The following LDLRAD4 variants were observed in gnomAD, a reference collection of about 807,000 sequenced individuals.
LDLRAD4 encodes the protein low-density lipoprotein receptor class A domain-containing protein 4.
LDLRAD4 carries 5 observed loss-of-function variants against 17.0 expected under a neutral mutation model. The observed-to-expected ratio is 0.29, with a 90% confidence interval of 0.15 to 0.62. The LOEUF is 0.62. Among genes scored for constraint, LDLRAD4 ranks in the 20% least tolerant of loss-of-function variants. The pLI, the probability that LDLRAD4 is intolerant of heterozygous loss-of-function variation, is 0.84. For synonymous variants in LDLRAD4, 168 were observed against 171.8 expected (o/e 0.98, Z 0.17); for missense variants, 340 against 424.7 (o/e 0.80, Z 1.75).
intron 1 of LDLRAD4, among the ~76,000 whole-genome samples, chr18:13,338,110 T>C (rs943306964): frequency 6.6e-6 from 1 of 152,238 alleles, no homozygotes; most frequent in Non-Finnish European, 1.5e-5. Context: ...CTTACTGCTG[T>C]GACCCCGAAG....
chr18:13,642,067 C>G, intron 4 of LDLRAD4: 1 of 985,574 alleles, frequency 1.0e-6, no homozygotes, highest in South Asian at 4.7e-5. Context: ...AGGCCGGGCC[C>G]TTCCCTCCCG....
At chr18:13,538,621 T>G (rs1362082975) in intron 3 of LDLRAD4, among the ~76,000 whole-genome samples, 1 of 151,652 alleles carries the variant, frequency 6.6e-6, no homozygotes, top group Non-Finnish European at 1.5e-5. Flanking sequence ...GCCTCCTGGG[T>G]TCAAGCGATT....
intron 3 of LDLRAD4, among the ~76,000 whole-genome samples, chr18:13,566,347 A>G (rs1041402021): frequency 3.4e-5 from 5 of 148,852 alleles, no homozygotes; most frequent in Non-Finnish European, 7.4e-5. Flanking sequence ...TTATATTTTC[A>G]ATAAAGAGCA....
At chr18:13,609,081 T>C (rs1303483020) in intron 3 of LDLRAD4, among the ~76,000 whole-genome samples, 2 of 152,222 alleles carry the variant, frequency 1.3e-5, no homozygotes, top group Non-Finnish European at 2.9e-5. Flanking sequence ...AAAGATGCGA[T>C]GTAAAGATGA....
Position 13,440,861 on chromosome 18 carries a change from C to T in LDLRAD4, c.181+2477C>T, listed in dbSNP as rs1000404543. 2.0e-5 allele frequency among the ~76,000 whole-genome samples: 3 copies of T among 152,300 alleles called. No individual in the cohort carries two copies. Among genetic ancestry groups the T allele is most frequent in the East Asian group, 1.9e-4 (1 of 5,182 alleles). On this transcript the variant is annotated intron_variant, in intron 3 of 5. Transcript: ENST00000359446. The surrounding 1 kb of genome is among the most constrained non-coding windows in gnomAD (Gnocchi z 4.4). ...ATTGTGTACACGGAGCAGGAATTCA[C>T]GGGTGTCCACAAGTGCACTTGCCCA...
At chr18:13,623,449 A>G (rs963996977) in intron 4 of LDLRAD4, among the ~76,000 whole-genome samples, 6 of 152,254 alleles carry the variant, frequency 3.9e-5, no homozygotes, top group African/African-American at 1.4e-4. Flanking sequence ...ATCCGGCTGC[A>G]CCGAGCTATT....
In LDLRAD4 at chr18:13,621,196, C is replaced by A. The variant is rs765436791; in HGVS notation, c.261C>A (p.Asn87Lys). 17 of 1,614,058 alleles carry A rather than the reference C, an allele frequency of 1.1e-5. No homozygotes were observed. Among genetic ancestry groups the A allele is most frequent in the Admixed American group, 6.7e-5 (4 of 60,016 alleles). ...TGGTGGTCATCGTCTGCCTGCTGAA[C>A]CACTACAAAGTCTCCACGCGGTCCT... The change falls in exon 4 of 6, where the codon AAC (asparagine) becomes AAA (lysine). Residue 87 changes from asparagine to lysine, a missense_variant. Transcript: ENST00000359446. The surrounding 1 kb of genome is among the most constrained non-coding windows in gnomAD (Gnocchi z 5.5).
At chr18:13,428,648 G>C (rs2090116127) in intron 2 of LDLRAD4, among the ~76,000 whole-genome samples, 1 of 152,148 alleles carries the variant, frequency 6.6e-6, no homozygotes, top group Non-Finnish European at 1.5e-5. Flanking sequence ...GTACCTTGGA[G>C]GAGGGTGACT....
At chr18:13,253,500 G>C (rs1323443518) in intron 1 of LDLRAD4, among the ~76,000 whole-genome samples, 3 of 152,208 alleles carry the variant, frequency 2.0e-5, no homozygotes, top group Non-Finnish European at 4.4e-5. Context: ...ATGGCCAAGA[G>C]CTCTCAGGCT....
At chr18:13,372,937 G>A (rs951831705) in intron 1 of LDLRAD4, among the ~76,000 whole-genome samples, 17 of 152,238 alleles carry the variant, frequency 1.1e-4, no homozygotes, top group African/African-American at 3.6e-4. Flanking sequence ...GAAGCTTGCT[G>A]TCTGGGCTCC....
At chr18:13,525,465 C>T (rs1469609239) in intron 3 of LDLRAD4, among the ~76,000 whole-genome samples, 2 of 152,358 alleles carry the variant, frequency 1.3e-5, no homozygotes, top group African/African-American at 2.4e-5. Flanking sequence ...AACTACCAGT[C>T]GGGATCTGCA....
chr18:13,595,758 T>C (rs1429131673), intron 3 of LDLRAD4, among the ~76,000 whole-genome samples: 1 of 152,222 alleles, frequency 6.6e-6, no homozygotes, highest in Non-Finnish European at 1.5e-5. Context: ...TGTATTTTAA[T>C]CATAGGGTAT....
At chr18:13,397,105 G>A (rs2086764513) in intron 2 of LDLRAD4, among the ~76,000 whole-genome samples, 1 of 152,160 alleles carries the variant, frequency 6.6e-6, no homozygotes, top group Non-Finnish European at 1.5e-5. Context: ...ACCAGCCACA[G>A]CTGCTGTTGG....
At chr18:13,641,030 G>T (rs1435831090) in intron 4 of LDLRAD4, among the ~76,000 whole-genome samples, 1 of 152,216 alleles carries the variant, frequency 6.6e-6, no homozygotes, top group East Asian at 1.9e-4. Context: ...GTACAAGGGA[G>T]AATGTATACA....
chr18:13,318,206 T>C (rs1404701272), intron 1 of LDLRAD4, among the ~76,000 whole-genome samples: 1 of 152,122 alleles, frequency 6.6e-6, no homozygotes, highest in African/African-American at 2.4e-5. Flanking sequence ...ACTGCCTCCT[T>C]CCCCTGCTGC....
intron 1 of LDLRAD4, among the ~76,000 whole-genome samples, chr18:13,383,373 T>G (rs2145142993): frequency 6.6e-6 from 1 of 151,706 alleles, no homozygotes; most frequent in East Asian, 2.0e-4. Flanking sequence ...CCGTGTGGAG[T>G]CGCAACTGCA....
chr18:13,562,010 G>C (rs1017752942), intron 3 of LDLRAD4: 4 of 152,126 alleles, frequency 2.6e-5, no homozygotes, highest in Non-Finnish European at 5.9e-5. Flanking sequence ...AATTTTACTT[G>C]ACCACCTGGT....
chr18:13,376,164 G>A (rs923364309), intron 1 of LDLRAD4, among the ~76,000 whole-genome samples: 5 of 152,154 alleles, frequency 3.3e-5, no homozygotes, highest in African/African-American at 7.2e-5. Flanking sequence ...CAGGCTGTGC[G>A]GGCACTGGCC....
chr18:13,430,299 G>T (rs1156406067), intron 2 of LDLRAD4, among the ~76,000 whole-genome samples: 2 of 152,214 alleles, frequency 1.3e-5, no homozygotes, highest in Non-Finnish European at 2.9e-5. Flanking sequence ...TGGAGCTCCT[G>T]TTGCGCTTCA....
Sources: allele counts gnomAD v4.1 joint callset (sites outside exome capture counted in the v4.1 genomes callset), GRCh38; gene constraint gnomAD v4.1.1; non-coding constraint Gnocchi (gnomAD v3.1); transcripts MANE v1.5; gene names NCBI Gene and HGNC (gene_info 2026-07-23, HGNC 2026-07-21).